Variants in ABCC9 observed in about 807,000 individuals in gnomAD.
The protein encoded by ABCC9 is ATP-binding cassette sub-family C member 9.
Under a neutral mutation model 188.3 loss-of-function variants are expected in ABCC9, and 95 were observed. The observed-to-expected ratio is 0.50, with a 90% CI of 0.43 to 0.60. ABCC9 has a LOEUF of 0.60. Ranked by LOEUF, ABCC9 falls within the 20% of genes least tolerant of loss-of-function variation. ABCC9 has a pLI of 0.00. For missense variants in ABCC9, 1,102 were observed against 1,876.3 expected (o/e 0.59, Z 7.62); for synonymous variants, 659 against 652.7 (o/e 1.01, Z -0.15).
chr12:21,849,263 G>A (rs925052505), intron 24 of ABCC9, among the ~76,000 whole-genome samples: 1 of 152,044 alleles, frequency 6.6e-6, no homozygotes. Context: ...AGTGACCTTG[G>A]TTGATTTTTT....
chr12:21,927,833 A>T (rs1949101734), intron 4 of ABCC9, among the ~76,000 whole-genome samples: 2 of 152,208 alleles, frequency 1.3e-5, no homozygotes, highest in African/African-American at 2.4e-5. Context: ...ACCTCCTGTA[A>T]ATAGATCAAA....
Position 21,915,159 on chromosome 12 carries a change from C to G in ABCC9, c.816+509G>C, listed in dbSNP as rs1420825753. ...CAGGTGATCCATCTGCCTCGGCCTC[C>G]CAAAGTGCTGGGATTATAGGCATGA... On this transcript the variant is annotated intron_variant, in intron 7 of 39. Transcript: ENST00000261200. Among the ~76,000 whole-genome samples the G allele has an allele frequency of 3.3e-5, 5 of 150,636 alleles. No individual in the cohort carries two copies. The East Asian group carries it at 9.8e-4, about 30-fold the overall frequency.
intron 5 of ABCC9, among the ~76,000 whole-genome samples, chr12:21,919,887 A>G (rs1948736817): frequency 6.6e-6 from 1 of 152,032 alleles, no homozygotes. Flanking sequence ...AGTGATATCA[A>G]GCATGCATAA....
At chr12:21,919,687 A>G (rs1305045972) in intron 5 of ABCC9, among the ~76,000 whole-genome samples, 1 of 152,006 alleles carries the variant, frequency 6.6e-6, no homozygotes, top group Admixed American at 6.6e-5. Context: ...ATTTCTATTC[A>G]ACATTTAAGA....
chr12:21,827,886 T>G (rs1283810), intron 31 of ABCC9, among the ~76,000 whole-genome samples: 35,785 of 152,108 alleles, frequency 0.24, 4,402 homozygotes, highest in Middle Eastern at 0.35. Flanking sequence ...ATCATGATAA[T>G]AAAAGCTCAC....
chr12:21,921,663 A>G (rs1201729702), intron 5 of ABCC9, among the ~76,000 whole-genome samples: 1 of 152,054 alleles, frequency 6.6e-6, no homozygotes, highest in Non-Finnish European at 1.5e-5. Context: ...AATGTCCTAG[A>G]GAGTTTCCCA....
At chr12:21,857,051 ATAT>A (rs949896728) in intron 22 of ABCC9, among the ~76,000 whole-genome samples, 1 of 152,180 alleles carries the variant, frequency 6.6e-6, no homozygotes, top group Admixed American at 6.6e-5. Context: ...GAAATGTGAG[ATAT>A]TATTATTTTT....
chr12:21,799,348 A>G lies in ABCC9; in HGVS notation c.*1696T>C, dbSNP rs1176882197. 1 of 152,160 alleles carries G rather than the reference A, an allele frequency of 6.6e-6. No homozygotes were observed. The highest frequency in any genetic ancestry group is 1.5e-5 in the Non-Finnish European group (1 of 68,024). The allele number at this position is 152,160 out of a possible 1,614,324, so 9.4% of individuals were successfully genotyped here. A position where few individuals can be genotyped will look rare whatever the true frequency, so the allele number is the denominator to read the frequency against. ...GAATTATTACTTGCTAACAGGCAAT[A>G]TGCATATTCTGCCCTACAAAATATT... On this transcript the variant is annotated 3_prime_UTR_variant, in exon 40 of 40. Coordinates refer to ENST00000261200, the MANE Select transcript of ABCC9 (RefSeq NM_020297.4).
At chr12:21,936,354 C>T (rs560357384) in intron 3 of ABCC9, among the ~76,000 whole-genome samples, 179 bp downstream of exon 3, 1 of 152,252 alleles carries the variant, frequency 6.6e-6, no homozygotes, top group African/African-American at 2.4e-5. Flanking sequence ...CTCAATTTCA[C>T]CTACGGAAGA....
intron 30 of ABCC9, among the ~76,000 whole-genome samples, chr12:21,832,413 C>A (rs1465871014): frequency 1.3e-5 from 2 of 152,050 alleles, no homozygotes; most frequent in African/African-American, 4.8e-5. Context: ...AATTCCTGAC[C>A]ACAAGTACCA....
intron 33 of ABCC9, among the ~76,000 whole-genome samples, chr12:21,816,585 T>G (rs1205460197): frequency 6.6e-6 from 1 of 152,132 alleles, no homozygotes; most frequent in African/African-American, 2.4e-5. Context: ...AGCATGTTAG[T>G]GTGGCCAGAG....
At position 21,864,223 on chromosome 12, in the gene ABCC9, G is replaced by C. The variant is rs11046217; in HGVS notation, c.2237+216C>G. 0.038 allele frequency among the ~76,000 whole-genome samples: 5,835 copies of C among 152,226 alleles called. 188 individuals carry two copies. Among genetic ancestry groups the C allele is most frequent in the Non-Finnish European group, 0.055 (3,737 of 67,982 alleles). On this transcript the variant is annotated intron_variant, in intron 19 of 39. Coordinates refer to ENST00000261200, the MANE Select transcript of ABCC9 (RefSeq NM_020297.4). ...CCAAAGTTGGGACACGTGTGACTCA[G>C]TGAGAGGAAAACAGTTGACACAAGG... is the stretch of plus-strand genomic sequence containing the variant.
intron 18 of ABCC9, among the ~76,000 whole-genome samples, chr12:21,870,052 C>A (rs1592114595): frequency 6.6e-6 from 1 of 152,140 alleles, no homozygotes; most frequent in South Asian, 2.1e-4. Flanking sequence ...ACCCATACCA[C>A]ATCCTTCACC....
intron 39 of ABCC9, among the ~76,000 whole-genome samples, chr12:21,805,756 T>C (rs528068558): frequency 5.1e-4 from 78 of 152,336 alleles, no homozygotes; most frequent in Non-Finnish European, 8.4e-4. Flanking sequence ...CCTGCTGGAA[T>C]CCTTAGATTT....
intron 18 of ABCC9, among the ~76,000 whole-genome samples, chr12:21,866,425 C>T (rs970033350): frequency 6.6e-6 from 1 of 152,166 alleles, no homozygotes; most frequent in African/African-American, 2.4e-5. Context: ...AGTCAAGTCA[C>T]CTATAATCGT....
chr12:21,853,811 A>G (rs548616430), intron 22 of ABCC9, among the ~76,000 whole-genome samples: 3 of 152,316 alleles, frequency 2.0e-5, no homozygotes, highest in African/African-American at 7.2e-5. Context: ...ACTCCTTAGA[A>G]GGACCAGGGA....
At chr12:21,926,847 C>T (rs1949065242) in intron 4 of ABCC9, among the ~76,000 whole-genome samples, 2 of 152,204 alleles carry the variant, frequency 1.3e-5, no homozygotes, top group Non-Finnish European at 2.9e-5. Flanking sequence ...CACCAGGTGA[C>T]CCAGTGATTC....
intron 38 of ABCC9, among the ~76,000 whole-genome samples, chr12:21,806,603 G>A (rs953701134): frequency 6.6e-6 from 1 of 152,066 alleles, no homozygotes; most frequent in Non-Finnish European, 1.5e-5. Flanking sequence ...TTAAAGTGAA[G>A]GAGTTCTTTC....
chr12:21,802,512 A>G (rs1336978731), intron 39 of ABCC9, among the ~76,000 whole-genome samples: 2 of 152,220 alleles, frequency 1.3e-5, no homozygotes, highest in African/African-American at 4.8e-5. Context: ...TCATTTCAAT[A>G]TGTAACCAAT....
Sources: gnomAD v4.1 joint callset for allele counts (sites outside exome capture counted in the v4.1 genomes callset) on GRCh38, gnomAD v4.1.1 for gene constraint, MANE v1.5 for transcripts, NCBI Gene and HGNC (gene_info 2026-07-23, HGNC 2026-07-21) for gene names.